HEATR4: variants seen among roughly 807,000 people sequenced by gnomAD.
The protein encoded by HEATR4 is HEAT repeat-containing protein 4.
A neutral mutation model predicts 108.8 loss-of-function variants in HEATR4; 95 were observed. That is an observed-to-expected ratio of 0.87 (90% CI 0.74 to 1.04). The LOEUF (loss-of-function observed/expected upper bound fraction) is 1.04, where lower values mean the gene tolerates loss of function less well. Among genes scored for constraint, HEATR4 ranks in the 50% least tolerant of loss-of-function variants. HEATR4 has a pLI of 0.00. For missense variants in HEATR4, 1,152 were observed against 1,253.8 expected (o/e 0.92, Z 1.23); for synonymous variants, 443 against 459.4 (o/e 0.96, Z 0.46).
the HEATR4 span, among the ~76,000 whole-genome samples, chr14:73,621,925 G>T: frequency 6.6e-6 from 1 of 151,648 alleles, no homozygotes; most frequent in Admixed American, 6.6e-5. Context: ...CACCAAACCT[G>T]GCTAACTTTT....
chr14:73,533,010 A>G (rs1156750888), intron 1 of HEATR4, among the ~76,000 whole-genome samples: 1 of 114,590 alleles, frequency 8.7e-6, no homozygotes, highest in Non-Finnish European at 1.9e-5. Flanking sequence ...AAAAAATTAA[A>G]TATTATAACC....
chr14:73,563,327 G>A (rs755092147), upstream of HEATR4, among the ~76,000 whole-genome samples: 23 of 152,048 alleles, frequency 1.5e-4, no homozygotes, highest in Non-Finnish European at 2.5e-4. Flanking sequence ...AGACGCAGTG[G>A]CTCACGCCTA....
chr14:73,493,107 T>C lies in HEATR4; in HGVS notation c.2803A>G (p.Arg935Gly), dbSNP rs751799729. 8 of 1,613,246 alleles carry C rather than the reference T, an allele frequency of 5.0e-6. No homozygotes were observed. The Admixed American group carries it at 1.3e-4, about 27-fold the overall frequency. ...GTGTCACAAACCTCGGAAGGTCTTC[T>C]AGGAAGAACCATCTCATCTAGGTAC... ...ETFQDEMVLP[R>G]RPSEVCDTEA... The change falls in exon 17 of 18, where the codon AGA becomes GGA. Residue 935 changes from arginine to glycine, a missense_variant. Arg to Gly is a moderately radical substitution (Grantham distance 125). Transcript: ENST00000553558.
chr14:73,583,996 C>T, the HEATR4 span, among the ~76,000 whole-genome samples: 7 of 146,844 alleles, frequency 4.8e-5, no homozygotes, highest in East Asian at 2.0e-4. Context: ...AGTAAATCTC[C>T]GTCTAAAAAA....
intron 10 of HEATR4, among the ~76,000 whole-genome samples, chr14:73,504,394 C>T (rs1421708735): frequency 6.6e-6 from 1 of 152,104 alleles, no homozygotes; most frequent in Non-Finnish European, 1.5e-5. Context: ...AGGTGCCTGC[C>T]ACCACACCCG....
At chr14:73,569,964 G>T in the HEATR4 span, 2 of 1,479,916 alleles carry the variant, frequency 1.4e-6, no homozygotes, top group Non-Finnish European at 9.0e-7. Flanking sequence ...TTTCGCTTAT[G>T]TGTATGCCCC....
chr14:73,560,141 A>G (rs1044160243), upstream of HEATR4, among the ~76,000 whole-genome samples: 4 of 152,186 alleles, frequency 2.6e-5, no homozygotes, highest in Non-Finnish European at 4.4e-5. Flanking sequence ...CTGATCTTCA[A>G]GAGTCCCTTT....
At chr14:73,500,782 A>C in intron 11 of HEATR4, 52 bp from the exon 12 acceptor site, 1 of 1,525,274 alleles carries the variant, frequency 6.6e-7, no homozygotes, top group Non-Finnish European at 9.0e-7. Flanking sequence ...TCAGTACCTA[A>C]CCCCCAACCC....
chr14:73,502,610 C>T (rs968003298), intron 11 of HEATR4, among the ~76,000 whole-genome samples: 2 of 151,792 alleles, frequency 1.3e-5, no homozygotes, highest in South Asian at 2.1e-4. Flanking sequence ...TGCAGTGGCG[C>T]GATCTCTGCT....
At chr14:73,604,832 A>C in the HEATR4 span, among the ~76,000 whole-genome samples, 1 of 152,210 alleles carries the variant, frequency 6.6e-6, no homozygotes, top group African/African-American at 2.4e-5. Context: ...GGAGCCCTTC[A>C]AGAAACAGGG....
the HEATR4 span, among the ~76,000 whole-genome samples, chr14:73,617,495 A>G: frequency 3.3e-5 from 5 of 152,220 alleles, no homozygotes; most frequent in African/African-American, 1.2e-4. Flanking sequence ...ATTTTCTCCC[A>G]TCTCTCTCTA....
chr14:73,492,699 A>AG lies in HEATR4; in HGVS notation c.2844+366dup, dbSNP rs1566821256. ...GATGGGATAGCTCGGCTGGTGGGTG[A>AG]GGGGGGCCATTTGTTTCTCTATTAC... On this transcript the variant is annotated intron_variant, in intron 17 of 17. Transcript: ENST00000553558. The surrounding 1 kb of genome is among the most constrained non-coding windows in gnomAD (Gnocchi z 4.9). The AG allele has an allele frequency of 6.2e-7, 1 of 1,613,944 alleles. No individual in the cohort carries two copies.
At chr14:73,570,337 C>A in the HEATR4 span, among the ~76,000 whole-genome samples, 1 of 151,708 alleles carries the variant, frequency 6.6e-6, no homozygotes, top group African/African-American at 2.4e-5. Flanking sequence ...TGGGAAGTCT[C>A]GGCGGGCAGA....
At position 73,487,568 on chromosome 14, in the gene HEATR4, A is replaced by AAAAC. The variant is rs10695187; in HGVS notation, c.2844+5494_2844+5497dup. Among the ~76,000 whole-genome samples the AAAAC allele has an allele frequency of 9.6e-3, 1,459 of 152,240 alleles. 26 individuals carry two copies. Among genetic ancestry groups the AAAAC allele is most frequent in the African/African-American group, 0.034 (1,399 of 41,518 alleles). On this transcript the variant is annotated intron_variant, in intron 17 of 17. Transcript: ENST00000553558. ...GGATGACAGAGCAAGACTCTATCTC[A>AAAAC]AAACAAACAAACAAACAAAGCCTAT...
the HEATR4 span, among the ~76,000 whole-genome samples, chr14:73,620,290 C>T: frequency 6.6e-6 from 1 of 152,192 alleles, no homozygotes; most frequent in Non-Finnish European, 1.5e-5. Context: ...GTCAGGTCCT[C>T]CCTGATTCTC....
At position 73,498,203 on chromosome 14, in the gene HEATR4, T is replaced by A; in HGVS notation, c.2498A>T (p.Asp833Val). Residue 833 changes from aspartate (D) to valine (V), a missense_variant, in exon 14 of 18, where the codon GAC (aspartate) becomes GTC (valine). Transcript: ENST00000553558. ...ALKLQGDRVRDTFLDVLLLEN... is the reference protein window; with the variant it reads ...ALKLQGDRVRVTFLDVLLLEN... ...CAGGAGCAGCACGTCTAGGAAGGTG[T>A]CCCTGACCCGGTCCCCTTGAAGTTT... The A allele has an allele frequency of 6.2e-7, 1 of 1,613,928 alleles. No individual in the cohort carries two copies. Among genetic ancestry groups the A allele is most frequent in the Non-Finnish European group, 8.5e-7 (1 of 1,179,926 alleles).
intron 17 of HEATR4, among the ~76,000 whole-genome samples, chr14:73,479,330 G>A (rs1223598531): frequency 6.6e-6 from 1 of 151,918 alleles, no homozygotes; most frequent in Non-Finnish European, 1.5e-5. Flanking sequence ...TTAGCCAGGA[G>A]GGTCTCAATC....
the HEATR4 span, among the ~76,000 whole-genome samples, chr14:73,603,539 T>C: frequency 6.6e-6 from 1 of 151,644 alleles, no homozygotes; most frequent in Non-Finnish European, 1.5e-5. Flanking sequence ...ATTTTTAGTA[T>C]AGACAGGGTT....
At chr14:73,591,897 G>T in the HEATR4 span, 1 of 1,319,026 alleles carries the variant, frequency 7.6e-7, no homozygotes. Context: ...CATTCGGCGC[G>T]CTTGCCACGA....
Sources: allele counts gnomAD v4.1 joint callset (sites outside exome capture counted in the v4.1 genomes callset), GRCh38; gene constraint gnomAD v4.1.1; non-coding constraint Gnocchi (gnomAD v3.1); transcripts MANE v1.5; gene names NCBI Gene and HGNC (gene_info 2026-07-23, HGNC 2026-07-21).